SLC2A9: variants seen among roughly 807,000 people sequenced by gnomAD.
SLC2A9 encodes the protein solute carrier family 2 member 9.
Under a neutral mutation model 50.6 loss-of-function variants are expected in SLC2A9, and 39 were observed. That is an observed-to-expected ratio of 0.77 (90% CI 0.60 to 1.01). The LOEUF (loss-of-function observed/expected upper bound fraction) is 1.01, where lower values mean the gene tolerates loss of function less well. Among genes scored for constraint, SLC2A9 ranks in the 50% least tolerant of loss-of-function variants. The pLI is 0.00. For missense variants in SLC2A9, 686 were observed against 677.6 expected (o/e 1.01, Z -0.14); for synonymous variants, 324 against 276.9 (o/e 1.17, Z -1.69).
downstream of SLC2A9, among the ~76,000 whole-genome samples, chr4:9,778,053 T>C (rs9998901): frequency 0.031 from 429 of 14,034 alleles, 34 homozygotes; most frequent in African/African-American, 0.055. Context: ...TCTTTCTTTC[T>C]TTCCTTCCTT....
intron 5 of SLC2A9, among the ~76,000 whole-genome samples, chr4:9,949,877 C>A (rs762191534): frequency 1.3e-5 from 2 of 152,222 alleles, no homozygotes; most frequent in Non-Finnish European, 2.9e-5. Context: ...TTTGTTACAT[C>A]TTTGAATGCT....
chr4:9,945,577 C>T (rs762156963), intron 5 of SLC2A9, among the ~76,000 whole-genome samples: 58 of 152,168 alleles, frequency 3.8e-4, no homozygotes, highest in Non-Finnish European at 7.1e-4. Context: ...TGACTGGCCG[C>T]CAAATCTGGG....
Position 9,890,657 on chromosome 4 carries a change from G to A in SLC2A9, c.1168C>T (p.Leu390Phe), listed in dbSNP as rs1460603160. The change falls in exon 9 of 12, where the codon CTC becomes TTC. Residue 390 changes from leucine to phenylalanine, a missense_variant. Coordinates refer to ENST00000264784, the MANE Select transcript of SLC2A9 (RefSeq NM_020041.3). ...RRPLLIGGFG[L>F]MGLFFGTLTI... ...AGGGTCCCAAAGAAGAGGCCCATGA[G>A]CCCAAAGCCACCAATGAGGAGGGGT... 6.2e-7 allele frequency: 1 copy of A among 1,614,192 alleles called. No individual in the cohort carries two copies. The highest frequency in any genetic ancestry group is 1.7e-5 in the Admixed American group (1 of 60,022).
chr4:9,773,222 G>A (rs1388707919), intron 1 of SLC2A9, among the ~76,000 whole-genome samples: 2 of 152,188 alleles, frequency 1.3e-5, no homozygotes, highest in African/African-American at 4.8e-5. Context: ...GATGTGGCTG[G>A]CTCATCACCT....
At chr4:10,010,269 G>A (rs1382007324) in intron 2 of SLC2A9, among the ~76,000 whole-genome samples, 4 of 152,188 alleles carry the variant, frequency 2.6e-5, no homozygotes, top group Non-Finnish European at 5.9e-5. Context: ...GGAGGAGAGA[G>A]AACACCAGAG....
chr4:9,803,569 G>A (rs1721739803), intron 3 of SLC2A9, among the ~76,000 whole-genome samples: 2 of 152,174 alleles, frequency 1.3e-5, no homozygotes, highest in Non-Finnish European at 1.5e-5. Context: ...CTAAAAGAGT[G>A]GTCCACTATC....
intron 4 of SLC2A9, among the ~76,000 whole-genome samples, chr4:9,984,651 A>G (rs1196684782): frequency 6.6e-6 from 1 of 152,190 alleles, no homozygotes; most frequent in Non-Finnish European, 1.5e-5. Context: ...TTGCCTATTT[A>G]GAAAGAGAGC....
At chr4:9,941,416 G>A (rs531405938) in intron 6 of SLC2A9, among the ~76,000 whole-genome samples, 6 of 152,142 alleles carry the variant, frequency 3.9e-5, no homozygotes, top group Non-Finnish European at 8.8e-5. Flanking sequence ...AGGTCCTGTG[G>A]GTCATTGTGA....
In SLC2A9 at chr4:9,834,933, GT is replaced by G. The variant is rs1726783215; in HGVS notation, c.1366del (p.Thr456ProfsTer27). ...QRPAAFIIAG[T>X]VNWLSNFAVG... ...AGCAAAGTTGGAGAGCCAGTTGACG[GT>G]GCCTGCAATGATGAAGGCAGCCGGC... On this transcript the variant is annotated frameshift_variant, in exon 11 of 12. Transcript: ENST00000264784. LOFTEE classifies it high-confidence loss of function. 12 of 1,613,994 alleles carry G rather than the reference GT, an allele frequency of 7.4e-6. No individual in the cohort carries two copies. Among genetic ancestry groups the G allele is most frequent in the Non-Finnish European group, 9.3e-6 (11 of 1,180,042 alleles).
intron 8 of SLC2A9, among the ~76,000 whole-genome samples, chr4:9,901,180 T>A (rs1176890742): frequency 6.6e-6 from 1 of 151,998 alleles, no homozygotes; most frequent in African/African-American, 2.4e-5. Context: ...AAGGGGAAAA[T>A]CTAGCTTTGT....
At chr4:9,848,355 T>TAA (rs10716180) in intron 10 of SLC2A9, among the ~76,000 whole-genome samples, 2 of 139,088 alleles carry the variant, frequency 1.4e-5, no homozygotes, top group Non-Finnish European at 1.6e-5. Flanking sequence ...ATGTGTTTTC[T>TAA]AAAAAAAAAA....
intron 2 of SLC2A9, among the ~76,000 whole-genome samples, chr4:10,002,668 C>T (rs2109344393): frequency 6.6e-6 from 1 of 152,274 alleles, no homozygotes; most frequent in Admixed American, 6.5e-5. Context: ...GCCTGGCCAA[C>T]ATGGTGAAAC....
chr4:10,037,774 C>A (rs1030332263), intron 1 of SLC2A9, among the ~76,000 whole-genome samples: 1 of 151,982 alleles, frequency 6.6e-6, no homozygotes, highest in African/African-American at 2.4e-5. Context: ...CATGGTGAAA[C>A]CCTGTCTCCA....
intron 1 of SLC2A9, among the ~76,000 whole-genome samples, chr4:10,028,415 G>A (rs1763823096): frequency 6.6e-6 from 1 of 152,162 alleles, no homozygotes; most frequent in Non-Finnish European, 1.5e-5. Context: ...AGGAAGACAA[G>A]GCCTTGACAT....
At chr4:9,953,613 G>C (rs1339337460) in intron 5 of SLC2A9, among the ~76,000 whole-genome samples, 1 of 152,128 alleles carries the variant, frequency 6.6e-6, no homozygotes, top group Admixed American at 6.5e-5. Context: ...GCCCAGTTTA[G>C]GAGTTTTTTG....
chr4:9,905,719 G>T (rs1740541888), intron 8 of SLC2A9, among the ~76,000 whole-genome samples: 1 of 152,136 alleles, frequency 6.6e-6, no homozygotes, highest in Non-Finnish European at 1.5e-5. Flanking sequence ...TTGCACCAAG[G>T]GAAGAAGTGT....
At chr4:9,911,371 G>C (rs911784192) in intron 7 of SLC2A9, among the ~76,000 whole-genome samples, 24 of 152,244 alleles carry the variant, frequency 1.6e-4, no homozygotes, top group East Asian at 1.6e-3. Context: ...TCAGCTGATA[G>C]AGTGGGAAGG....
intron 3 of SLC2A9, among the ~76,000 whole-genome samples, chr4:9,802,323 G>A (rs935639992): frequency 4.7e-5 from 7 of 150,524 alleles, no homozygotes; most frequent in Non-Finnish European, 1.0e-4. Context: ...TTTCAAAGAA[G>A]TAGTGACCTG....
chr4:9,862,618 C>T (rs1731832194), intron 10 of SLC2A9, among the ~76,000 whole-genome samples: 1 of 151,974 alleles, frequency 6.6e-6, no homozygotes, highest in Non-Finnish European at 1.5e-5. Flanking sequence ...CGAGTTCCTG[C>T]CTCAGGACCT....
Sources: gnomAD v4.1 joint callset for allele counts (sites outside exome capture counted in the v4.1 genomes callset) on GRCh38, gnomAD v4.1.1 for gene constraint, MANE v1.5 for transcripts, NCBI Gene and HGNC (gene_info 2026-07-23, HGNC 2026-07-21) for gene names.